The following ZNF782 variants were observed in gnomAD, a reference collection of about 807,000 sequenced individuals.
The protein encoded by ZNF782 is zinc finger protein 782.
In ZNF782, 12 loss-of-function variants were observed where a neutral mutation model predicts 13.0. The observed-to-expected ratio is 0.92, with a 90% CI of 0.59 to 1.50. ZNF782 has a LOEUF of 1.50. ZNF782 is among the 40% of genes most tolerant of loss of function. ZNF782 has a pLI of 0.00. For synonymous variants in ZNF782, 284 were observed against 283.0 expected, an observed-to-expected ratio of 1.00 and a Z score of -0.04; for missense variants, 770 against 822.9, an observed-to-expected ratio of 0.94 and a Z score of 0.79.
the ZNF782 span, among the ~76,000 whole-genome samples, chr9:96,917,887 C>CGCGT: frequency 1.2e-4 from 15 of 121,718 alleles, no homozygotes; most frequent in Admixed American, 2.6e-4. Context: ...CCACCCTTGG[C>CGCGT]GTGTGTGTGT....
chr9:96,855,278 T>C (rs1489120396), upstream of ZNF782, among the ~76,000 whole-genome samples: 6 of 152,252 alleles, frequency 3.9e-5, no homozygotes, highest in Non-Finnish European at 8.8e-5. Flanking sequence ...CCGTAGGTTA[T>C]TGGGGAACAG....
At chr9:96,852,309 A>G (rs1851518482) in intron 2 of ZNF782, among the ~76,000 whole-genome samples, 1 of 152,252 alleles carries the variant, frequency 6.6e-6, no homozygotes. Context: ...GATTAGTTGA[A>G]TTAAAGTACA....
chr9:96,835,085 T>C (rs1028809595), intron 4 of ZNF782, among the ~76,000 whole-genome samples: 14 of 152,196 alleles, frequency 9.2e-5, no homozygotes, highest in African/African-American at 3.4e-4. Context: ...TTTTACACAG[T>C]AGCAAAGAAG....
chr9:96,912,960 A>G, the ZNF782 span, among the ~76,000 whole-genome samples: 4 of 151,964 alleles, frequency 2.6e-5, no homozygotes, highest in Non-Finnish European at 5.9e-5. Context: ...AATAGTTGCA[A>G]TATACCAGAG....
the ZNF782 span, among the ~76,000 whole-genome samples, chr9:96,900,817 G>A: frequency 6.6e-6 from 1 of 151,594 alleles, no homozygotes; most frequent in Admixed American, 6.5e-5. Flanking sequence ...CCCATGATAG[G>A]CCACTCCTTA....
the ZNF782 span, among the ~76,000 whole-genome samples, chr9:96,913,959 G>GC: frequency 1.4e-5 from 2 of 147,684 alleles, no homozygotes; most frequent in East Asian, 4.3e-4. Context: ...GGGCAACACA[G>GC]CGAGACCTTG....
At chr9:96,932,571 A>C in the ZNF782 span, among the ~76,000 whole-genome samples, 2,039 of 152,036 alleles carry the variant, frequency 0.013, 26 homozygotes, top group Non-Finnish European at 0.021. Flanking sequence ...AGCAACATTA[A>C]TCTGGCTGTG....
chr9:96,863,776 C>T (rs1419806972), intron 1 of ZNF782, among the ~76,000 whole-genome samples: 1 of 152,124 alleles, frequency 6.6e-6, no homozygotes, highest in East Asian at 1.9e-4. Flanking sequence ...AACCAAATAT[C>T]ATATGTTCTC....
At chr9:96,918,702 A>C in the ZNF782 span, 2 of 154,676 alleles carry the variant, frequency 1.3e-5, no homozygotes, top group African/African-American at 4.9e-5. Flanking sequence ...ATCCAGAGGG[A>C]GCCCTGCCGT....
the ZNF782 span, among the ~76,000 whole-genome samples, chr9:96,914,006 T>C: frequency 6.6e-6 from 1 of 150,454 alleles, no homozygotes; most frequent in Admixed American, 6.6e-5. Context: ...GTCAAGATAA[T>C]TGAGTGTGAT....
rs367710256 is a variant in ZNF782 at position 96,827,163 on chromosome 9, G to A, written c.161C>T (p.Pro54Leu). 5 of 1,610,672 alleles carry A rather than the reference G, an allele frequency of 3.1e-6. No individual in the cohort carries two copies. The highest frequency in any genetic ancestry group is 4.2e-6 in the Non-Finnish European group (5 of 1,178,510). Residue 54 changes from proline (P) to leucine (L), a missense_variant, in exon 5 of 6, where the codon CCA becomes CTA. Transcript: ENST00000481138. ...TTGTTCCAATGTGAAGATCAGTTCT[G>A]GTTTTGTAAAGCAGTAGCCTATAAA... ...LVSVGYCFTK[P>L]ELIFTLEQGE...
At chr9:96,878,152 G>A (rs1479863341), upstream of ZNF782, among the ~76,000 whole-genome samples, 1 of 152,198 alleles carries the variant, frequency 6.6e-6, no homozygotes, top group Non-Finnish European at 1.5e-5. Context: ...GGGTTCAAGA[G>A]ATTCTCCTGC....
chr9:96,927,006 C>T, the ZNF782 span, among the ~76,000 whole-genome samples: 1 of 152,116 alleles, frequency 6.6e-6, no homozygotes, highest in Non-Finnish European at 1.5e-5. Context: ...CTCCTTTGGC[C>T]AGTTTCCTAA....
intron 5 of ZNF782, among the ~76,000 whole-genome samples, chr9:96,820,556 T>G (rs10979164): frequency 6.6e-6 from 1 of 151,378 alleles, no homozygotes; most frequent in African/African-American, 2.4e-5. Flanking sequence ...TTTTTTTTTT[T>G]TTCTTTTTTT....
the ZNF782 span, among the ~76,000 whole-genome samples, chr9:96,883,304 A>G: frequency 1.3e-5 from 2 of 152,272 alleles, no homozygotes; most frequent in South Asian, 4.1e-4. Flanking sequence ...ATTCCAGAAC[A>G]GCAGCTCTAA....
chr9:96,925,651 T>G, the ZNF782 span, among the ~76,000 whole-genome samples: 1 of 142,708 alleles, frequency 7.0e-6, no homozygotes, highest in African/African-American at 2.7e-5. Flanking sequence ...AAAAAAAAAC[T>G]GGTACAGAAG....
At chr9:96,918,321 A>T in the ZNF782 span, among the ~76,000 whole-genome samples, 3 of 147,294 alleles carry the variant, frequency 2.0e-5, no homozygotes, top group African/African-American at 7.6e-5. Flanking sequence ...GAGGGGGGAG[A>T]ATTGCTTCAA....
the ZNF782 span, chr9:96,888,224 A>T: frequency 6.6e-6 from 1 of 152,214 alleles, no homozygotes; most frequent in Non-Finnish European, 1.5e-5. Context: ...TACCATGCAA[A>T]TATTAACTTA....
At position 96,818,050 on chromosome 9, in the gene ZNF782, T is replaced by C; in HGVS notation, c.1973A>G (p.Lys658Arg). 6.2e-7 allele frequency: 1 copy of C among 1,613,994 alleles called. No homozygotes were observed. Among genetic ancestry groups the C allele is most frequent in the South Asian group, 1.1e-5 (1 of 91,066 alleles). ...TCTCTGATGTACTCTGAGATTGGAT[T>C]TCTGACTGAAAGCTTCCCCACACTG... ...CNQCGEAFSQ[K>R]SNLRVHQRTH... Residue 658 changes from lysine to arginine, a missense_variant, in exon 6 of 6, where the codon AAA becomes AGA. Physicochemically the swap from Lys to Arg is conservative, Grantham distance 26 (BLOSUM62 2). Coordinates refer to ENST00000481138, the MANE Select transcript of ZNF782 (RefSeq NM_001001662.3).
Sources: allele counts gnomAD v4.1 joint callset (sites outside exome capture counted in the v4.1 genomes callset), GRCh38; gene constraint gnomAD v4.1.1; transcripts MANE v1.5; gene names NCBI Gene and HGNC (gene_info 2026-07-23, HGNC 2026-07-21).